KANSL1: variants seen among roughly 807,000 people sequenced by gnomAD.
KANSL1 encodes the protein MLL1/MLL complex subunit KANSL1.
In KANSL1, 22 loss-of-function variants were observed where a neutral mutation model predicts 103.6. The observed-to-expected ratio is 0.21, with a 90% confidence interval of 0.15 to 0.30. The LOEUF is 0.30. Among genes scored for constraint, KANSL1 ranks in the 10% least tolerant of loss-of-function variants. KANSL1 has a pLI of 1.00. For missense variants in KANSL1, 1,337 were observed against 1,399.8 expected, an observed-to-expected ratio of 0.96 and a Z score of 0.72; for synonymous variants, 600 against 527.6, an observed-to-expected ratio of 1.14 and a Z score of -1.88.
intron 2 of KANSL1, chr17:46,120,087 TAAG>T (rs2043214681): frequency 6.6e-6 from 1 of 152,234 alleles, no homozygotes; most frequent in Non-Finnish European, 1.5e-5. Context: ...GGAAAAAACT[TAAG>T]AAACAATGTT....
chr17:46,222,291 G>A (rs1205451080), intron 1 of KANSL1: 1 of 146,812 alleles, frequency 6.8e-6, no homozygotes, highest in Non-Finnish European at 1.5e-5. Context: ...ATCTTTAAAA[G>A]TAGGGCTTTG....
chr17:46,065,157 T>C (rs897955453), intron 6 of KANSL1, among the ~76,000 whole-genome samples: 5 of 150,678 alleles, frequency 3.3e-5, no homozygotes, highest in Non-Finnish European at 5.9e-5. Flanking sequence ...TTTAAAGATA[T>C]GGGGTCTCAC....
chr17:46,070,217 A>G (rs1452783962), intron 4 of KANSL1, among the ~76,000 whole-genome samples: 10 of 152,246 alleles, frequency 6.6e-5, no homozygotes, highest in Non-Finnish European at 1.0e-4. Context: ...TGTAAGCATT[A>G]TAACTATAGT....
At chr17:46,209,883 TA>T (rs2048101682) in intron 1 of KANSL1, among the ~76,000 whole-genome samples, 1 of 152,248 alleles carries the variant, frequency 6.6e-6, no homozygotes, top group African/African-American at 2.4e-5. Flanking sequence ...TGACCTTCTC[TA>T]AATGCCAGGA....
At chr17:46,064,267 G>A (rs1289144320) in intron 6 of KANSL1, among the ~76,000 whole-genome samples, 1 of 152,030 alleles carries the variant, frequency 6.6e-6, no homozygotes. Context: ...CTGCATACTA[G>A]AATAAAACAA....
At chr17:46,134,075 T>C (rs1399384222) in intron 2 of KANSL1, among the ~76,000 whole-genome samples, 3 of 152,216 alleles carry the variant, frequency 2.0e-5, no homozygotes, top group East Asian at 3.8e-4. Flanking sequence ...AGCTGGGTTT[T>C]AGCAGAAGGA....
chr17:46,191,409 T>C (rs1007026676), intron 1 of KANSL1, among the ~76,000 whole-genome samples: 3 of 152,328 alleles, frequency 2.0e-5, no homozygotes, highest in East Asian at 1.9e-4. Context: ...GTAGAGCCTA[T>C]AGGAAAGGGG....
intron 2 of KANSL1, among the ~76,000 whole-genome samples, chr17:46,132,351 T>C (rs2043906054): frequency 6.6e-6 from 1 of 152,224 alleles, no homozygotes; most frequent in African/African-American, 2.4e-5. Context: ...GCACAATGCC[T>C]GGCACATAGT....
chr17:46,137,606 T>C (rs558255513), intron 2 of KANSL1, among the ~76,000 whole-genome samples: 7 of 152,308 alleles, frequency 4.6e-5, no homozygotes, highest in African/African-American at 1.7e-4. Flanking sequence ...CCGGGCGCGG[T>C]AGCTCATGCC....
At chr17:46,197,622 G>A (rs1042409892), upstream of KANSL1, among the ~76,000 whole-genome samples, 1 of 152,252 alleles carries the variant, frequency 6.6e-6, no homozygotes, top group Non-Finnish European at 1.5e-5. Context: ...CAGCCTACGC[G>A]ACAGAAGGAG....
At chr17:46,210,471 T>C (rs2048121871) in intron 1 of KANSL1, among the ~76,000 whole-genome samples, 1 of 340 alleles carries the variant, frequency 2.9e-3, no homozygotes, top group Admixed American at 0.05. Flanking sequence ...AGACTCTGTC[T>C]CAAAAAAAAA....
chr17:46,034,398 G>A (rs2077091927), intron 10 of KANSL1, 113 bp from the exon 11 acceptor site: 6 of 1,179,824 alleles, frequency 5.1e-6, no homozygotes, highest in Admixed American at 4.2e-5. Context: ...TCCTTGGGTT[G>A]AAGCTGAGTA....
chr17:46,155,425 T>G (rs766878375), intron 2 of KANSL1, among the ~76,000 whole-genome samples: 2 of 152,320 alleles, frequency 1.3e-5, no homozygotes, highest in South Asian at 2.1e-4. Flanking sequence ...CCCAAAGTGC[T>G]GAGATTACAG....
At chr17:46,071,563 A>T (rs1013429234) in intron 4 of KANSL1, among the ~76,000 whole-genome samples, 1 of 152,226 alleles carries the variant, frequency 6.6e-6, no homozygotes, top group Non-Finnish European at 1.5e-5. Flanking sequence ...CCTGCAGTCT[A>T]AAAGGCTGCA....
intron 7 of KANSL1, among the ~76,000 whole-genome samples, chr17:46,046,946 G>C (rs1427709694): frequency 2.0e-5 from 3 of 152,092 alleles, no homozygotes; most frequent in African/African-American, 2.4e-5. Flanking sequence ...CAGTTACATG[G>C]GCTACATAAA....
intron 2 of KANSL1, among the ~76,000 whole-genome samples, chr17:46,114,356 CAAA>C (rs2042952776): frequency 1.3e-5 from 2 of 151,786 alleles, no homozygotes; most frequent in East Asian, 3.9e-4. Flanking sequence ...GACTCCCTCT[CAAA>C]CAAAAACAAA....
At chr17:46,096,643 G>A (rs2042098629) in intron 2 of KANSL1, among the ~76,000 whole-genome samples, 1 of 148,182 alleles carries the variant, frequency 6.7e-6, no homozygotes, top group Non-Finnish European at 1.5e-5. Context: ...TTTTGAGACG[G>A]AGTCTTGCTC....
intron 2 of KANSL1, among the ~76,000 whole-genome samples, chr17:46,144,346 A>G (rs2044586341): frequency 6.6e-6 from 1 of 152,254 alleles, no homozygotes; most frequent in South Asian, 2.1e-4. Context: ...TCCTCAGTAC[A>G]AGAGGCCTGC....
intron 3 of KANSL1, among the ~76,000 whole-genome samples, chr17:46,091,944 G>A (rs143125392): frequency 0.027 from 4,023 of 151,064 alleles, 66 homozygotes; most frequent in Non-Finnish European, 0.034. Flanking sequence ...AGCCTCCCGA[G>A]TAGCTGGGAT....
Sources: gnomAD v4.1 joint callset for allele counts (sites outside exome capture counted in the v4.1 genomes callset) on GRCh38, gnomAD v4.1.1 for gene constraint, MANE v1.5 for transcripts, NCBI Gene and HGNC (gene_info 2026-07-23, HGNC 2026-07-21) for gene names.